The following KNTC1 variants were observed in gnomAD, a reference collection of about 807,000 sequenced individuals.
The protein encoded by KNTC1 is kinetochore-associated protein 1.
Under a neutral mutation model 314.4 loss-of-function variants are expected in KNTC1, and 253 were observed. That is an observed-to-expected ratio of 0.80 (90% CI 0.73 to 0.89). The LOEUF is 0.89. Among genes scored for constraint, KNTC1 ranks in the 40% least tolerant of loss-of-function variants. The probability of loss-of-function intolerance (pLI) is 0.00; values close to 1 mark genes in which losing one functional copy is unlikely to be tolerated. For missense variants in KNTC1, 2,475 were observed against 2,572.9 expected, an observed-to-expected ratio of 0.96 and a Z score of 0.82; for synonymous variants, 901 against 901.4, an observed-to-expected ratio of 1.00 and a Z score of 0.01.
chr12:122,550,905 T>C (rs1963150896), intron 13 of KNTC1, among the ~76,000 whole-genome samples: 1 of 152,200 alleles, frequency 6.6e-6, no homozygotes, highest in Admixed American at 6.6e-5. Context: ...CATGATTAGA[T>C]TCATGTTAAG....
intron 20 of KNTC1, among the ~76,000 whole-genome samples, chr12:122,567,711 G>T (rs1964439988): frequency 6.6e-6 from 1 of 152,090 alleles, no homozygotes; most frequent in Non-Finnish European, 1.5e-5. Flanking sequence ...GGTGGTGCAT[G>T]CCTGTAATCC....
chr12:122,592,669 G>T (rs1161489220), intron 42 of KNTC1: 1 of 152,154 alleles, frequency 6.6e-6, no homozygotes, highest in African/African-American at 2.4e-5. Context: ...AATCTGATGG[G>T]GACGTGGAGA....
At chr12:122,549,999 G>T in intron 13 of KNTC1, 135 bp downstream of exon 13, 3 of 545,390 alleles carry the variant, frequency 5.5e-6, no homozygotes, top group Non-Finnish European at 6.5e-6. Context: ...ATAAATTTCA[G>T]GTTTATAACT....
At chr12:122,573,922 T>C (rs1964860391) in intron 26 of KNTC1, among the ~76,000 whole-genome samples, 1 of 152,160 alleles carries the variant, frequency 6.6e-6, no homozygotes, top group African/African-American at 2.4e-5. Flanking sequence ...CCCAAGATAT[T>C]TCCCTTTCAC....
Position 122,530,100 on chromosome 12 carries a change from A to C in KNTC1, c.37A>C (p.Thr13Pro). 1 of 1,613,804 alleles carries C rather than the reference A, an allele frequency of 6.2e-7. No homozygotes were observed. The highest frequency in any genetic ancestry group is 8.5e-7 in the Non-Finnish European group (1 of 1,179,746). ...TATTGAGCTGCTAACAAATGATGAT[A>C]CCGGAAGTGGGTACCTGAGTGTCGG... ...NDIELLTNDD[T>P]GSGYLSVGSR... Residue 13 changes from threonine (T) to proline (P), a missense_variant, in exon 2 of 64, where the codon ACC (threonine) becomes CCC (proline). Thr to Pro is a conservative substitution (Grantham distance 38, BLOSUM62 -1). Coordinates refer to ENST00000333479, the MANE Select transcript of KNTC1 (RefSeq NM_014708.6).
At chr12:122,600,289 A>G (rs2062506) in intron 44 of KNTC1, among the ~76,000 whole-genome samples, 118,965 of 152,062 alleles carry the variant, frequency 0.78, 47,009 homozygotes, top group African/African-American at 0.88. Flanking sequence ...AATAGAGACA[A>G]GATTTCGCCA....
intron 12 of KNTC1, among the ~76,000 whole-genome samples, chr12:122,548,514 A>G: frequency 6.6e-6 from 1 of 152,068 alleles, no homozygotes; most frequent in Admixed American, 6.6e-5. Context: ...CCGGCCCAGG[A>G]AAGTGTTTAT....
intron 53 of KNTC1, chr12:122,611,583 CTTTTCT>C (rs1873127715): frequency 6.6e-6 from 1 of 152,232 alleles, no homozygotes; most frequent in South Asian, 2.1e-4. Context: ...TGTGTACATG[CTTTTCT>C]TTGCAGTCTG....
At chr12:122,618,434 A>G (rs1410409027) in intron 58 of KNTC1, 37 bp downstream of exon 58, 2 of 1,611,540 alleles carry the variant, frequency 1.2e-6, no homozygotes, top group Admixed American at 1.7e-5. Context: ...ACAGCATTTT[A>G]TAGTTGAGTG....
At chr12:122,550,468 A>G (rs1963118408) in intron 13 of KNTC1, among the ~76,000 whole-genome samples, 1 of 152,114 alleles carries the variant, frequency 6.6e-6, no homozygotes. Flanking sequence ...GATCTAATCA[A>G]GAATCACTCA....
intron 43 of KNTC1, 57 bp from the exon 44 acceptor site, chr12:122,597,652 ACCCAAGTGTTTTGTCAGATACT>A: frequency 8.7e-7 from 1 of 1,149,106 alleles, no homozygotes. Context: ...GGAAGCATGT[ACCCAAGTGTTTTGTCAGATACT>A]TTGCATGGAA....
At chr12:122,616,349 G>A (rs567559980) in intron 57 of KNTC1, among the ~76,000 whole-genome samples, 1 of 147,368 alleles carries the variant, frequency 6.8e-6, no homozygotes, top group Non-Finnish European at 1.5e-5. Flanking sequence ...TGCAAGCTCC[G>A]CCTGCTGGGT....
intron 43 of KNTC1, among the ~76,000 whole-genome samples, chr12:122,594,957 A>G (rs978417990): frequency 6.6e-6 from 1 of 152,120 alleles, no homozygotes; most frequent in Non-Finnish European, 1.5e-5. Context: ...ATCTCAGCTC[A>G]CCGCAGCCTC....
At chr12:122,559,850 T>C (rs964917639) in intron 18 of KNTC1, among the ~76,000 whole-genome samples, 2 of 152,164 alleles carry the variant, frequency 1.3e-5, no homozygotes, top group African/African-American at 2.4e-5. Flanking sequence ...GCCGCAATTA[T>C]AGGCATGAGC....
chr12:122,600,324 C>A (rs1349125282), intron 44 of KNTC1, among the ~76,000 whole-genome samples: 1 of 152,172 alleles, frequency 6.6e-6, no homozygotes, highest in Admixed American at 6.5e-5. Context: ...GTCTCAAATG[C>A]CTGACCTCAG....
At chr12:122,547,195 A>G (rs1400232191) in intron 10 of KNTC1, among the ~76,000 whole-genome samples, 1 of 151,762 alleles carries the variant, frequency 6.6e-6, no homozygotes, top group East Asian at 1.9e-4. Context: ...CTAGCCTACT[A>G]AAAATACAAA....
intron 6 of KNTC1, among the ~76,000 whole-genome samples, 181 bp downstream of exon 6, chr12:122,542,308 A>T (rs1310322835): frequency 6.6e-6 from 1 of 152,252 alleles, no homozygotes. Context: ...GAGCTGGAAC[A>T]GTATCTGAAT....
At chr12:122,530,543 C>T (rs1961231769) in intron 2 of KNTC1, among the ~76,000 whole-genome samples, 2 of 151,780 alleles carry the variant, frequency 1.3e-5, no homozygotes, top group South Asian at 4.2e-4. Context: ...CTCTGACTCC[C>T]AGATTCAAGT....
Position 122,543,564 on chromosome 12 carries a change from T to C in KNTC1, c.524-36T>C, listed in dbSNP as rs755904044. ...TGACTTGTATTATTTTGTAGATTAATACTATACATTTAGCCTGCTTTCTTT... is the reference window on the plus strand; with the variant it reads ...TGACTTGTATTATTTTGTAGATTAACACTATACATTTAGCCTGCTTTCTTT... On this transcript the variant is annotated intron_variant, in intron 6 of 63. Coordinates refer to ENST00000333479, the MANE Select transcript of KNTC1 (RefSeq NM_014708.6). The C allele has an allele frequency of 2.8e-6, 4 of 1,425,332 alleles. No individual in the cohort carries two copies. In the South Asian group the frequency reaches 5.1e-5, roughly 18 times the overall value. 88.3% of individuals were successfully genotyped at this position (1,425,332 alleles called of 1,614,324 possible). A position where few individuals can be genotyped will look rare whatever the true frequency, so the allele number is the denominator to read the frequency against.
Sources: allele counts gnomAD v4.1 joint callset (sites outside exome capture counted in the v4.1 genomes callset), GRCh38; gene constraint gnomAD v4.1.1; transcripts MANE v1.5; gene names NCBI Gene and HGNC (gene_info 2026-07-23, HGNC 2026-07-21).